The following SETX variants were observed in gnomAD, a reference collection of about 807,000 sequenced individuals.
SETX encodes senataxin, also known as helicase senataxin.
In SETX, 90 loss-of-function variants were observed where a neutral mutation model predicts 227.2. The ratio of observed to expected loss-of-function variants is 0.40; its 90% confidence interval spans 0.33 to 0.47. The LOEUF (loss-of-function observed/expected upper bound fraction) is 0.47, where lower values mean the gene tolerates loss of function less well. Among genes scored for constraint, SETX ranks in the 20% least tolerant of loss-of-function variants. The pLI is 0.91. For synonymous variants in SETX, 1,210 were observed against 1,113.2 expected (o/e 1.09, Z -1.73); for missense variants, 3,052 against 3,181.5 (o/e 0.96, Z 0.98).
intron 16 of SETX, 36 bp downstream of exon 16, chr9:132,288,512 CAG>C: frequency 6.5e-7 from 1 of 1,538,196 alleles, no homozygotes; most frequent in Non-Finnish European, 9.0e-7. Flanking sequence ...CCAAACAAAA[CAG>C]AGAAAACACT....
intron 11 of SETX, among the ~76,000 whole-genome samples, chr9:132,301,323 G>A (rs1239768310): frequency 6.6e-6 from 1 of 151,732 alleles, no homozygotes; most frequent in Admixed American, 6.6e-5. Context: ...TCCTGACCTC[G>A]TGATCCGCCC....
At chr9:132,280,848 CAG>C (rs773550370) in intron 20 of SETX, among the ~76,000 whole-genome samples, 4 of 152,114 alleles carry the variant, frequency 2.6e-5, no homozygotes, top group Non-Finnish European at 5.9e-5. Flanking sequence ...AAAAAACCAA[CAG>C]AGAAGAGTAG....
At chr9:132,302,968 C>G (rs1348485342) in intron 11 of SETX, among the ~76,000 whole-genome samples, 1 of 152,098 alleles carries the variant, frequency 6.6e-6, no homozygotes, top group East Asian at 1.9e-4. Context: ...AGAAAGGCTA[C>G]ATTTTTTTTA....
At chr9:132,302,660 C>CAA (rs35647306) in intron 11 of SETX, among the ~76,000 whole-genome samples, 45 of 33,078 alleles carry the variant, frequency 1.4e-3, no homozygotes, top group South Asian at 2.1e-3. Context: ...GACTTTGTCT[C>CAA]AAAAAAAAAA....
intron 4 of SETX, among the ~76,000 whole-genome samples, chr9:132,343,615 C>T (rs937005219): frequency 4.6e-5 from 7 of 152,014 alleles, no homozygotes; most frequent in African/African-American, 1.7e-4. Context: ...ATTACATTTT[C>T]AATATCATAG....
At chr9:132,311,896 TG>T in intron 10 of SETX, 40 bp from the exon 11 acceptor site, 1 of 1,384,686 alleles carries the variant, frequency 7.2e-7, no homozygotes, top group Non-Finnish European at 1.0e-6. Context: ...AGCAACATTC[TG>T]GAAAGTGATG....
Position 132,281,592 on chromosome 9 carries a change from G to T in SETX, c.6547-18C>A. ...TGTCCAGCCTTGGTAAGATACAGAA[G>T]AGAGAGGCAGTCTTAACAATCTTTG... On this transcript the variant is annotated intron_variant, in intron 19 of 25. Coordinates refer to ENST00000224140, the MANE Select transcript of SETX (RefSeq NM_015046.7). 1 of 1,521,496 alleles carries T rather than the reference G, an allele frequency of 6.6e-7. No homozygotes were observed. The highest frequency in any genetic ancestry group is 2.3e-5 in the East Asian group (1 of 44,378). The allele number at this position is 1,521,496 out of a possible 1,614,324, so 94.2% of individuals were successfully genotyped here.
intron 15 of SETX, among the ~76,000 whole-genome samples, chr9:132,289,402 T>C (rs1844146052): frequency 6.6e-6 from 1 of 152,170 alleles, no homozygotes; most frequent in Non-Finnish European, 1.5e-5. Context: ...CATTTCACTA[T>C]TTATTTCAAT....
chr9:132,311,313 G>A (rs1657461625), intron 11 of SETX, among the ~76,000 whole-genome samples: 1 of 152,064 alleles, frequency 6.6e-6, no homozygotes, highest in Admixed American at 6.6e-5. Context: ...ATGGGGGTTG[G>A]GGGTAAAAAG....
chr9:132,334,648 A>G lies in SETX; in HGVS notation c.798T>C (p.Phe266=), dbSNP rs751159190. The G allele has an allele frequency of 6.2e-7, 1 of 1,614,090 alleles. No homozygotes were observed. The highest frequency in any genetic ancestry group is 8.5e-7 in the Non-Finnish European group (1 of 1,179,978). ...CCATAGTGTGAAGTATCGATTGCAT[A>G]AAATCATTTTGTTTGTCTGAGCCCA... ...LLLGSDKQND[F]MQSILHTMER... Residue 266 remains phenylalanine (F), a synonymous_variant, in exon 7 of 26, where the codon TTT becomes TTC. Coordinates refer to ENST00000224140, the MANE Select transcript of SETX (RefSeq NM_015046.7).
At chr9:132,266,926 G>A (rs1025812751) in intron 25 of SETX, among the ~76,000 whole-genome samples, 6 of 152,222 alleles carry the variant, frequency 3.9e-5, no homozygotes, top group Non-Finnish European at 8.8e-5. Flanking sequence ...ATTGGGAAGT[G>A]ATTCATTCGT....
rs1321203773 is a variant in SETX, at chr9:132,311,821, C to A, written c.5310G>T (p.Glu1770Asp). Residue 1770 changes from glutamate (E) to aspartate (D), a missense_variant, in exon 11 of 26, where the codon GAG becomes GAT. By Grantham distance (45) the Glu-to-Asp change is conservative. This residue lies in a region of SETX where 239 missense variants were observed against 272.1 expected (regional missense o/e 0.88). Transcript: ENST00000224140. The part of the protein sequence containing the change: ...AQEWLNSPNR[E>D]NFYQLQVRKF... ...TTCGTACTTGCAACTGATAGAAATT[C>A]TCTCTATTTGGAGAGTTGAGCCATT... 6.2e-7 allele frequency: 1 copy of A among 1,613,594 alleles called. No individual in the cohort carries two copies. The highest frequency in any genetic ancestry group is 1.7e-5 in the Admixed American group (1 of 60,014).
rs1247797889 is a variant in SETX at position 132,349,637 on chromosome 9, A to T, written c.-7-202T>A. ...TATTTTTGACATACGAAAAATACAG[A>T]AAAATAAAAGCATTGTATAAGGAAT... On this transcript the variant is annotated intron_variant, in intron 2 of 25. Transcript: ENST00000224140. Among the ~76,000 whole-genome samples the T allele has an allele frequency of 2.0e-5, 3 of 152,360 alleles. No individual in the cohort carries two copies. In the East Asian group the frequency reaches 5.8e-4, roughly 29 times the overall value.
At chr9:132,336,876 C>A (rs1043217114) in intron 5 of SETX, among the ~76,000 whole-genome samples, 8 of 152,100 alleles carry the variant, frequency 5.3e-5, no homozygotes, top group African/African-American at 1.9e-4. Context: ...CCAGCCTCGC[C>A]AACTTGGCAA....
chr9:132,276,695 C>A (rs1843182211), intron 22 of SETX, among the ~76,000 whole-genome samples: 1 of 152,222 alleles, frequency 6.6e-6, no homozygotes, highest in African/African-American at 2.4e-5. Context: ...TCCTCCCTTT[C>A]ACATTTTCAT....
intron 10 of SETX, among the ~76,000 whole-genome samples, chr9:132,322,479 A>AT (rs1564531334): frequency 6.6e-6 from 1 of 152,338 alleles, no homozygotes; most frequent in East Asian, 1.9e-4. Flanking sequence ...ATCATATAAT[A>AT]TGTGACCTTC....
chr9:132,288,187 G>C (rs1309192532), intron 17 of SETX, 49 bp downstream of exon 17: 40 of 1,471,896 alleles, frequency 2.7e-5, no homozygotes, highest in Non-Finnish European at 3.8e-5. Context: ...AAAAAAACTT[G>C]TTAACTAGTT....
At chr9:132,321,571 GGC>G (rs1846334426) in intron 10 of SETX, among the ~76,000 whole-genome samples, 1 of 150,818 alleles carries the variant, frequency 6.6e-6, no homozygotes, top group African/African-American at 2.4e-5. Flanking sequence ...GCAGGAGAAT[GGC>G]ATGAACCCAG....
At chr9:132,282,040 C>G (rs1197786508) in intron 19 of SETX, among the ~76,000 whole-genome samples, 1 of 129,904 alleles carries the variant, frequency 7.7e-6, no homozygotes, top group African/African-American at 3.0e-5. Flanking sequence ...AAAAAAAAAG[C>G]AAGACTCCGT....
Sources: allele counts gnomAD v4.1 joint callset (sites outside exome capture counted in the v4.1 genomes callset), GRCh38; gene constraint gnomAD v4.1.1; regional missense constraint gnomAD v4.1.1; transcripts MANE v1.5; gene names NCBI Gene and HGNC (gene_info 2026-07-23, HGNC 2026-07-21).